The following AHI1 variants were observed in gnomAD, a reference collection of about 807,000 sequenced individuals.
The protein encoded by AHI1 is jouberin.
In AHI1, 123 loss-of-function variants were observed where a neutral mutation model predicts 149.3. The observed-to-expected ratio is 0.82, with a 90% CI of 0.71 to 0.96. AHI1 has a LOEUF of 0.96. AHI1 is among the 40% of genes least tolerant of loss of function. AHI1 has a pLI of 0.00. For synonymous variants in AHI1, 475 were observed against 459.8 expected, an observed-to-expected ratio of 1.03 and a Z score of -0.42; for missense variants, 1,439 against 1,422.7, an observed-to-expected ratio of 1.01 and a Z score of -0.18.
At chr6:135,325,363 T>C (rs1466313980) in intron 24 of AHI1, among the ~76,000 whole-genome samples, 2 of 152,198 alleles carry the variant, frequency 1.3e-5, no homozygotes, top group Admixed American at 6.5e-5. Context: ...GTTAAGTCAC[T>C]TACATACAAG....
intron 11 of AHI1, among the ~76,000 whole-genome samples, chr6:135,451,913 CAG>C (rs1491544485): frequency 4.0e-5 from 6 of 149,620 alleles, no homozygotes; most frequent in Non-Finnish European, 4.5e-5. Context: ...AAGGCATTAA[CAG>C]ATTTATAAAA....
chr6:135,349,792 C>T (rs1791795135), intron 24 of AHI1, among the ~76,000 whole-genome samples: 1 of 152,148 alleles, frequency 6.6e-6, no homozygotes. Flanking sequence ...ACTTTAGACC[C>T]AAAAGTTGAC....
chr6:135,472,187 G>A (rs918421408), intron 5 of AHI1, among the ~76,000 whole-genome samples: 2 of 151,984 alleles, frequency 1.3e-5, no homozygotes, highest in African/African-American at 4.8e-5. Context: ...CTGTTACACA[G>A]TCAATGCCTT....
Position 135,383,010 on chromosome 6 carries a change from GAATAT to G in AHI1, c.3109+11761_3109+11765del, listed in dbSNP as rs1399360120. 7.7e-5 allele frequency among the ~76,000 whole-genome samples: 10 copies of G among 129,520 alleles called. No individual in the cohort carries two copies. In the East Asian group the frequency reaches 1.6e-3, roughly 20 times the overall value. 85.0% of individuals were successfully genotyped at this position (129,520 alleles called of 152,430 possible). ...TTGGATCACTTACCACAGAATCACA[GAATAT>G]AATGGCTGAAATGAACACTGATGTG... On this transcript the variant is annotated intron_variant, in intron 23 of 28. Coordinates refer to ENST00000265602, the MANE Select transcript of AHI1 (RefSeq NM_001134831.2).
At chr6:135,288,433 C>T (rs1285263063) in intron 28 of AHI1, among the ~76,000 whole-genome samples, 1 of 151,818 alleles carries the variant, frequency 6.6e-6, no homozygotes, top group African/African-American at 2.4e-5. Flanking sequence ...CTAAAAATTA[C>T]ATTCATTTTG....
At chr6:135,379,090 G>A (rs967116949) in intron 23 of AHI1, among the ~76,000 whole-genome samples, 49 of 152,248 alleles carry the variant, frequency 3.2e-4, no homozygotes, top group African/African-American at 1.2e-3. Context: ...ACTCATAGTA[G>A]GATATTTAAT....
chr6:135,302,220 A>G (rs1783967150), intron 26 of AHI1: 4 of 985,268 alleles, frequency 4.1e-6, no homozygotes, highest in Non-Finnish European at 1.2e-6. Flanking sequence ...GCAACTTACC[A>G]TCAATATAGG....
chr6:135,453,386 T>G lies in AHI1; in HGVS notation c.1395A>C (p.Gln465His). 3 of 1,562,266 alleles carry G rather than the reference T, an allele frequency of 1.9e-6. No homozygotes were observed. Among genetic ancestry groups the G allele is most frequent in the African/African-American group, 2.7e-5 (2 of 73,774 alleles). ...TTTTCCGAAAGCCACATTCTTGGTT[T>G]TGAACCTCAGAATTATTCTTAATTT... ...VDEIKNNSEVQNQECGFRKIA... is the reference protein window; with the variant it reads ...VDEIKNNSEVHNQECGFRKIA... The change falls in exon 11 of 29, where the codon CAA becomes CAC. Residue 465 changes from glutamine (Q) to histidine (H), a missense_variant. By Grantham distance (24) the Gln-to-His change is conservative (BLOSUM62 0). Coordinates refer to ENST00000265602, the MANE Select transcript of AHI1 (RefSeq NM_001134831.2).
intron 27 of AHI1, among the ~76,000 whole-genome samples, chr6:135,292,360 A>G (rs1484109707): frequency 6.6e-6 from 1 of 152,162 alleles, no homozygotes; most frequent in Non-Finnish European, 1.5e-5. Flanking sequence ...TTCTTCTTTT[A>G]TCTCTCACAA....
chr6:135,294,680 C>A (rs202097285), intron 27 of AHI1, among the ~76,000 whole-genome samples: 3 of 53,570 alleles, frequency 5.6e-5, no homozygotes, highest in Middle Eastern at 0.024. Flanking sequence ...GATGCTAGAA[C>A]AACAGGATCT....
chr6:135,465,035 G>C (rs2614281), intron 7 of AHI1, among the ~76,000 whole-genome samples: 3 of 152,154 alleles, frequency 2.0e-5, no homozygotes, highest in Non-Finnish European at 4.4e-5. Context: ...TTGGTTTGCC[G>C]TATCTTTATT....
At chr6:135,337,094 T>C (rs1172916516) in intron 24 of AHI1, among the ~76,000 whole-genome samples, 1 of 152,174 alleles carries the variant, frequency 6.6e-6, no homozygotes, top group African/African-American at 2.4e-5. Context: ...TTATAAGCCC[T>C]CATGGAACCA....
At position 135,323,195 on chromosome 6, in the gene AHI1, C is replaced by T; in HGVS notation, c.3295G>A (p.Gly1099Ser). ...WYGSIGKGQE[G>S]YFPANHVASE... is the part of the protein sequence containing the mutation. ...GCCACATGATTAGCTGGAAAATAAC[C>T]TTCCTGTCCCTTTCCTATGCTGCCA... Residue 1099 changes from glycine (G) to serine (S), a missense_variant, in exon 25 of 29, where the codon GGT becomes AGT. Gly to Ser is a moderately conservative substitution (Grantham distance 56, BLOSUM62 0). Coordinates refer to ENST00000265602, the MANE Select transcript of AHI1 (RefSeq NM_001134831.2). The T allele has an allele frequency of 1.2e-6, 2 of 1,612,292 alleles. No individual in the cohort carries two copies. Among genetic ancestry groups the T allele is most frequent in the Non-Finnish European group, 1.7e-6 (2 of 1,178,814 alleles).
intron 23 of AHI1, among the ~76,000 whole-genome samples, chr6:135,377,752 C>T (rs539886051): frequency 2.0e-5 from 3 of 152,054 alleles, no homozygotes; most frequent in Non-Finnish European, 2.9e-5. Context: ...AAGTACCAGG[C>T]GCATGAACCA....
chr6:135,310,242 A>G (rs1462952491), intron 26 of AHI1, among the ~76,000 whole-genome samples: 1 of 138,394 alleles, frequency 7.2e-6, no homozygotes, highest in African/African-American at 2.9e-5. Context: ...AGTAAATGGA[A>G]AAAAATTTTC....
intron 13 of AHI1, among the ~76,000 whole-genome samples, chr6:135,445,450 G>A (rs1787021553): frequency 6.6e-6 from 1 of 152,148 alleles, no homozygotes; most frequent in African/African-American, 2.4e-5. Flanking sequence ...GTATATACAT[G>A]TACATATCTC....
chr6:135,302,517 C>A (rs1784004664), intron 26 of AHI1: 1 of 1,016,820 alleles, frequency 9.8e-7, no homozygotes, highest in Admixed American at 5.5e-5. Context: ...ATGGTCCCTG[C>A]CATCTTTTCT....
intron 14 of AHI1, among the ~76,000 whole-genome samples, chr6:135,440,468 C>T (rs1372868040): frequency 6.6e-6 from 1 of 152,138 alleles, no homozygotes; most frequent in Non-Finnish European, 1.5e-5. Context: ...TCCTGGGTAT[C>T]TAGAAGGATT....
In AHI1 at chr6:135,433,047, G is replaced by C. The variant is rs766069291; in HGVS notation, c.2246C>G (p.Ser749Ter). ...CATACCTTCAGTATCAAAACAAAGTGAGTTGATAAAACTTTTGTGAACATC... is the reference window on the plus strand; with the variant it reads ...CATACCTTCAGTATCAAAACAAAGTCAGTTGATAAAACTTTTGTGAACATC... ...QFDVHKSFIN[S>*]LCFDTEGHHM... The change falls in exon 16 of 29, where the codon TCA becomes TGA. Residue 749 changes from serine to a stop codon, truncating the protein, a stop_gained. Transcript: ENST00000265602. LOFTEE classifies it high-confidence loss of function. 2.4e-5 allele frequency: 39 copies of C among 1,612,186 alleles called. No individual in the cohort carries two copies. The highest frequency in any genetic ancestry group is 3.3e-5 in the Non-Finnish European group (39 of 1,178,562).
Sources: gnomAD v4.1 joint callset for allele counts (sites outside exome capture counted in the v4.1 genomes callset) on GRCh38, gnomAD v4.1.1 for gene constraint, MANE v1.5 for transcripts, NCBI Gene and HGNC (gene_info 2026-07-23, HGNC 2026-07-21) for gene names.